Variants in PRMT2 observed in about 807,000 individuals in gnomAD.
The protein encoded by PRMT2 is protein arginine methyltransferase 2.
In PRMT2, 26 loss-of-function variants were observed where a neutral mutation model predicts 57.6. That is an observed-to-expected ratio of 0.45 (90% CI 0.33 to 0.63). PRMT2 has a LOEUF of 0.63. Among genes scored for constraint, PRMT2 ranks in the 20% least tolerant of loss-of-function variants. The pLI, the probability that PRMT2 is intolerant of heterozygous loss-of-function variation, is 0.02. For missense variants in PRMT2, 472 were observed against 564.4 expected (o/e 0.84, Z 1.66); for synonymous variants, 219 against 220.0 (o/e 1.00, Z 0.04).
intron 5 of PRMT2, among the ~76,000 whole-genome samples, chr21:46,645,323 AG>A (rs2061347762): frequency 6.6e-6 from 1 of 152,242 alleles, no homozygotes; most frequent in African/African-American, 2.4e-5. Flanking sequence ...TACTTAGGTC[AG>A]GTGTGGTGGC....
intron 11 of PRMT2, 26 bp from the exon 12 acceptor site, chr21:46,664,269 G>T (rs765728921): frequency 2.6e-6 from 4 of 1,536,188 alleles, no homozygotes; most frequent in South Asian, 1.1e-5. Flanking sequence ...TCATCTGATT[G>T]ACCTGTTGTC....
At chr21:46,652,622 C>G in intron 7 of PRMT2, 1 of 985,250 alleles carries the variant, frequency 1.0e-6, no homozygotes, top group Non-Finnish European at 1.2e-6. Context: ...TGTGCACCGC[C>G]ATGCCCTTTT....
intron 9 of PRMT2, chr21:46,661,427 A>C (rs1346764082): frequency 1.7e-5 from 3 of 172,076 alleles, no homozygotes; most frequent in African/African-American, 7.1e-5. Flanking sequence ...CTGGCGCCCC[A>C]GCTGGCGCCG....
intron 5 of PRMT2, among the ~76,000 whole-genome samples, chr21:46,645,400 A>G (rs907415214): frequency 3.1e-5 from 3 of 96,242 alleles, no homozygotes; most frequent in Non-Finnish European, 6.6e-5. Flanking sequence ...CAGGAGTTCA[A>G]GTCTGTGGTG....
chr21:46,651,754 G>C (rs2061457302), intron 7 of PRMT2: 1 of 1,595,790 alleles, frequency 6.3e-7, no homozygotes, highest in African/African-American at 1.3e-5. Flanking sequence ...GGGAGGGTAT[G>C]AATCTGGGAG....
intron 4 of PRMT2, among the ~76,000 whole-genome samples, chr21:46,643,906 GA>G (rs1310153539): frequency 1.2e-4 from 18 of 152,146 alleles, no homozygotes; most frequent in African/African-American, 4.3e-4. Flanking sequence ...CCCAGTTAAT[GA>G]AAAGTAAGGC....
Position 46,648,540 on chromosome 21 carries a change from C to T in PRMT2, c.410C>T (p.Thr137Met), listed in dbSNP as rs575840670. 53 of 1,614,200 alleles carry T rather than the reference C, an allele frequency of 3.3e-5. No individual in the cohort carries two copies. Among genetic ancestry groups the T allele is most frequent in the East Asian group, 8.9e-5 (4 of 44,886 alleles). ...ATCCTGCAGAATAAAGAATCCCTGACGGATAAAGTCATCCTGGACGTGGGC... is the reference window on the plus strand; with the variant it reads ...ATCCTGCAGAATAAAGAATCCCTGATGGATAAAGTCATCCTGGACGTGGGC... ...SVILQNKESL[T>M]DKVILDVGCG... Residue 137 changes from threonine to methionine, a missense_variant, in exon 6 of 12, where the codon ACG becomes ATG. Thr to Met is a moderately conservative substitution (Grantham distance 81). Around this residue, in one of 2 missense-constraint regions of PRMT2, gnomAD observed 243 missense variants for 347.2 expected, o/e 0.70. Transcript: ENST00000355680. This position sits in a 1 kb window ranked among gnomAD's most constrained non-coding sequence, Gnocchi z 4.8.
In PRMT2 at chr21:46,649,448, C is replaced by T. The variant is rs1030238368; in HGVS notation, c.490-127C>T. ...GTGTGGCCAGTCCTCGCTGCCTCTG[C>T]TGTCTGGAATGCTGCTTCCCTCTTG... On this transcript the variant is annotated intron_variant, in intron 6 of 11. Coordinates refer to ENST00000355680, the MANE Select transcript of PRMT2 (RefSeq NM_206962.4). The surrounding 1 kb of genome is among the most constrained non-coding windows in gnomAD (Gnocchi z 4.8). 5 of 1,473,266 alleles carry T rather than the reference C, an allele frequency of 3.4e-6. No individual in the cohort carries two copies. Among genetic ancestry groups the T allele is most frequent in the Non-Finnish European group, 4.7e-6 (5 of 1,062,266 alleles). The allele number at this position is 1,473,266 out of a possible 1,614,324, so 91.3% of individuals were successfully genotyped here.
intron 7 of PRMT2, chr21:46,652,501 G>A (rs1218230305): frequency 1.1e-5 from 11 of 985,414 alleles, no homozygotes; most frequent in African/African-American, 5.2e-5. Context: ...GAGCTTGAAC[G>A]TTGTTCAATG....
At chr21:46,641,143 G>A (rs776833926) in intron 3 of PRMT2, among the ~76,000 whole-genome samples, 16 of 131,196 alleles carry the variant, frequency 1.2e-4, no homozygotes, top group Non-Finnish European at 2.0e-4. Flanking sequence ...AAAAAAAAGC[G>A]TATTCTTCAA....
intron 5 of PRMT2, 92 bp downstream of exon 5, chr21:46,644,580 C>T: frequency 7.6e-7 from 1 of 1,312,700 alleles, no homozygotes; most frequent in Non-Finnish European, 1.0e-6. Context: ...GGCCCATAGT[C>T]TTACAGGCCA....
Position 46,648,641 on chromosome 21 carries a change from TC to T in PRMT2, c.489+25del. The T allele has an allele frequency of 6.2e-7, 1 of 1,605,906 alleles. No homozygotes were observed. The highest frequency in any genetic ancestry group is 8.5e-7 in the Non-Finnish European group (1 of 1,173,308). On this transcript the variant is annotated intron_variant, in intron 6 of 11. Transcript: ENST00000355680. This position sits in a 1 kb window ranked among gnomAD's most constrained non-coding sequence, Gnocchi z 4.8. Reference sequence around the variant, plus strand: ...AGCGGTGAGTGGGGTCTCGAGCGCATCCCGGGTGTTTGTGCCGAGGCTGGTG... The same window carrying T: ...AGCGGTGAGTGGGGTCTCGAGCGCATCCGGGTGTTTGTGCCGAGGCTGGTG...
chr21:46,664,116 C>A (rs2061669397), intron 11 of PRMT2, among the ~76,000 whole-genome samples, 179 bp from the exon 12 acceptor site: 1 of 152,096 alleles, frequency 6.6e-6, no homozygotes, highest in Admixed American at 6.5e-5. Context: ...GGTTTTCCTT[C>A]ATTTTTTATA....
intron 3 of PRMT2, among the ~76,000 whole-genome samples, chr21:46,642,963 G>A (rs1200692486): frequency 6.6e-6 from 1 of 151,792 alleles, no homozygotes; most frequent in African/African-American, 2.4e-5. Context: ...GGCGGCAGAG[G>A]TTGCCCTGAG....
chr21:46,637,871 T>C (rs552679142), intron 3 of PRMT2, among the ~76,000 whole-genome samples: 2 of 152,250 alleles, frequency 1.3e-5, no homozygotes, highest in East Asian at 1.9e-4. Context: ...GGAGAATCAC[T>C]TGGGGCCGGG....
At chr21:46,653,177 A>G in intron 7 of PRMT2, 1 of 985,444 alleles carries the variant, frequency 1.0e-6, no homozygotes, top group Non-Finnish European at 1.2e-6. Context: ...TCTAAGCAAA[A>G]GAAACAAAGT....
chr21:46,652,289 A>T, intron 7 of PRMT2: 1 of 1,291,896 alleles, frequency 7.7e-7, no homozygotes, highest in Non-Finnish European at 9.8e-7. Context: ...GTTCATAATG[A>T]AGCTGTCAAA....
intron 10 of PRMT2, among the ~76,000 whole-genome samples, chr21:46,662,635 C>T (rs144621856): frequency 0.019 from 2,857 of 152,208 alleles, 69 homozygotes; most frequent in Non-Finnish European, 0.023. Flanking sequence ...GGGCAGTGAC[C>T]TGGGGCACAG....
chr21:46,658,832 C>T lies in PRMT2; in HGVS notation c.742C>T (p.His248Tyr), dbSNP rs374173984. 16 of 1,614,106 alleles carry T rather than the reference C, an allele frequency of 9.9e-6. No individual in the cohort carries two copies. The highest frequency in any genetic ancestry group is 1.7e-5 in the Admixed American group (1 of 60,004). ...GVIWPTMAAL[H>Y]LVPCSADKDY... is the part of the protein sequence containing the mutation. ...CATTTGGCCCACCATGGCTGCGTTG[C>T]ACCTTGTGCCCTGCAGTGCTGATAA... The change falls in exon 8 of 12, where the codon CAC becomes TAC. Residue 248 changes from histidine (H) to tyrosine (Y), a missense_variant. Transcript: ENST00000355680.
Sources: allele counts gnomAD v4.1 joint callset (sites outside exome capture counted in the v4.1 genomes callset), GRCh38; gene constraint gnomAD v4.1.1; regional missense constraint gnomAD v4.1.1; non-coding constraint Gnocchi (gnomAD v3.1); transcripts MANE v1.5; gene names NCBI Gene and HGNC (gene_info 2026-07-23, HGNC 2026-07-21).